Variants in CADM1 observed in about 807,000 individuals in gnomAD.
The protein encoded by CADM1 is cell adhesion molecule 1, also known as TSLC-1.
In CADM1, 15 loss-of-function variants were observed where a neutral mutation model predicts 53.1. The ratio of observed to expected loss-of-function variants is 0.28; its 90% CI spans 0.19 to 0.44. The LOEUF is 0.44. CADM1 is among the 20% of genes least tolerant of loss of function. The pLI is 1.00. For missense variants in CADM1, 434 were observed against 611.3 expected, an observed-to-expected ratio of 0.71 and a Z score of 3.06; for synonymous variants, 281 against 243.0, an observed-to-expected ratio of 1.16 and a Z score of -1.45.
chr11:115,389,085 AG>A (rs1946770227), intron 1 of CADM1, among the ~76,000 whole-genome samples: 1 of 152,148 alleles, frequency 6.6e-6, no homozygotes, highest in Non-Finnish European at 1.5e-5. Context: ...AGAATGGTTC[AG>A]AAAAAATGCA....
At chr11:115,480,060 C>T (rs1028332150) in intron 1 of CADM1, among the ~76,000 whole-genome samples, 4 of 152,116 alleles carry the variant, frequency 2.6e-5, no homozygotes, top group Non-Finnish European at 4.4e-5. Context: ...TTTGTAAGAA[C>T]AGAAATTCCA....
chr11:115,275,762 G>A (rs1943427413), intron 1 of CADM1, among the ~76,000 whole-genome samples: 1 of 152,154 alleles, frequency 6.6e-6, no homozygotes. Flanking sequence ...CCTTAATAAG[G>A]AGAAAAATAA....
chr11:115,266,952 G>A (rs541081914), intron 1 of CADM1, among the ~76,000 whole-genome samples: 129 of 152,316 alleles, frequency 8.5e-4, no homozygotes, highest in African/African-American at 2.9e-3. Flanking sequence ...CAGAATACAA[G>A]TTACTCTGCG....
chr11:115,234,918 A>T (rs1941958903), intron 3 of CADM1, among the ~76,000 whole-genome samples: 1 of 151,246 alleles, frequency 6.6e-6, no homozygotes, highest in South Asian at 2.1e-4. Flanking sequence ...AAAAAAAAAA[A>T]AAATTTGCCC....
At chr11:115,383,270 C>T (rs1005714677) in intron 1 of CADM1, among the ~76,000 whole-genome samples, 6 of 152,162 alleles carry the variant, frequency 3.9e-5, no homozygotes, top group East Asian at 1.9e-4. Flanking sequence ...GCCCAGGAAG[C>T]GTACAGCTCT....
At chr11:115,269,193 C>T (rs1337076187) in intron 1 of CADM1, among the ~76,000 whole-genome samples, 4 of 152,082 alleles carry the variant, frequency 2.6e-5, no homozygotes, top group Non-Finnish European at 5.9e-5. Context: ...AACCCAGTGG[C>T]CCACACTTGC....
At chr11:115,262,139 G>C (rs1591651961) in intron 1 of CADM1, among the ~76,000 whole-genome samples, 1 of 147,792 alleles carries the variant, frequency 6.8e-6, no homozygotes, top group African/African-American at 2.5e-5. Context: ...CACTTTTTTT[G>C]TCTTTTTTTT....
intron 1 of CADM1, among the ~76,000 whole-genome samples, chr11:115,472,354 G>A (rs1037570728): frequency 6.6e-6 from 1 of 152,224 alleles, no homozygotes; most frequent in Non-Finnish European, 1.5e-5. Flanking sequence ...ATCTGTGACA[G>A]TAAATGGGTT....
intron 1 of CADM1, among the ~76,000 whole-genome samples, chr11:115,449,708 C>A (rs1327358177): frequency 6.6e-6 from 1 of 152,160 alleles, no homozygotes; most frequent in African/African-American, 2.4e-5. Context: ...ACCGAAAATG[C>A]TTTCGGTGTT....
intron 3 of CADM1, among the ~76,000 whole-genome samples, chr11:115,232,657 T>C (rs1041124034): frequency 2.0e-5 from 3 of 152,174 alleles, no homozygotes; most frequent in African/African-American, 7.2e-5. Context: ...GTGATAGTGA[T>C]GGTGACAATG....
intron 1 of CADM1, among the ~76,000 whole-genome samples, chr11:115,347,994 A>G (rs4938201): frequency 0.43 from 65,838 of 152,106 alleles, 16,228 homozygotes; most frequent in Non-Finnish European, 0.57. Flanking sequence ...CCTTTTACAC[A>G]ATTTCATATA....
intron 7 of CADM1, among the ~76,000 whole-genome samples, chr11:115,213,235 G>A (rs1277328926): frequency 2.0e-5 from 3 of 152,166 alleles, no homozygotes; most frequent in Admixed American, 6.5e-5. Flanking sequence ...CACCCCCGCC[G>A]AGCAGTCTGT....
At chr11:115,275,263 C>T (rs1215177184) in intron 1 of CADM1, among the ~76,000 whole-genome samples, 2 of 152,154 alleles carry the variant, frequency 1.3e-5, no homozygotes, top group South Asian at 2.1e-4. Context: ...TTTCTCACCC[C>T]TTGGCTGCCC....
Position 115,304,084 on chromosome 11 carries a change from T to A in CADM1, c.125-63664A>T, listed in dbSNP as rs563863010. Among the ~76,000 whole-genome samples, 9 of 152,202 alleles carry A rather than the reference T, an allele frequency of 5.9e-5. No homozygotes were observed. In the South Asian group the frequency reaches 1.9e-3, roughly 32 times the overall value. Reference sequence around the variant, plus strand: ...CTACAGGGATATTATGTACAAATAGTCTGGTTAGAATAATAAATGCTGCAT... The same window carrying A: ...CTACAGGGATATTATGTACAAATAGACTGGTTAGAATAATAAATGCTGCAT... On this transcript the variant is annotated intron_variant, in intron 1 of 11. Transcript: ENST00000331581.
intron 3 of CADM1, among the ~76,000 whole-genome samples, chr11:115,232,118 T>C (rs1941841750): frequency 6.6e-6 from 1 of 152,042 alleles, no homozygotes; most frequent in Non-Finnish European, 1.5e-5. Context: ...AGAAAGTAGA[T>C]ATAAAAGGGG....
intron 1 of CADM1, among the ~76,000 whole-genome samples, chr11:115,482,655 G>C (rs1297132633): frequency 6.6e-6 from 1 of 152,148 alleles, no homozygotes; most frequent in Non-Finnish European, 1.5e-5. Context: ...GGTTAATTCT[G>C]TTTGGAAAAT....
intron 8 of CADM1, among the ~76,000 whole-genome samples, chr11:115,208,130 A>G (rs1940785431): frequency 3.3e-5 from 5 of 152,216 alleles, no homozygotes; most frequent in Admixed American, 3.3e-4. Context: ...CAAAACAGAA[A>G]CACACACAGA....
chr11:115,186,671 CAGG>C (rs1006242437), intron 10 of CADM1, among the ~76,000 whole-genome samples: 2 of 152,166 alleles, frequency 1.3e-5, no homozygotes, highest in Non-Finnish European at 2.9e-5. Context: ...TTAACAATCT[CAGG>C]AGATTTTCAT....
intron 1 of CADM1, among the ~76,000 whole-genome samples, chr11:115,373,096 G>T (rs1946348509): frequency 6.6e-6 from 1 of 152,216 alleles, no homozygotes; most frequent in Non-Finnish European, 1.5e-5. Flanking sequence ...AAGCAATGAG[G>T]GAGGATTCTC....
Sources: gnomAD v4.1 joint callset for allele counts (sites outside exome capture counted in the v4.1 genomes callset) on GRCh38, gnomAD v4.1.1 for gene constraint, MANE v1.5 for transcripts, NCBI Gene and HGNC (gene_info 2026-07-23, HGNC 2026-07-21) for gene names.